The following RBBP8 variants were observed in gnomAD, a reference collection of about 807,000 sequenced individuals.
The protein encoded by RBBP8 is DNA endonuclease RBBP8.
Under a neutral mutation model 108.3 loss-of-function variants are expected in RBBP8, and 88 were observed. The ratio of observed to expected loss-of-function variants is 0.81; its 90% CI spans 0.68 to 0.97. RBBP8 has a LOEUF of 0.97. Among genes scored for constraint, RBBP8 ranks in the 50% least tolerant of loss-of-function variants. RBBP8 has a pLI of 0.00. For synonymous variants in RBBP8, 332 were observed against 348.2 expected (o/e 0.95, Z 0.52); for missense variants, 1,023 against 1,049.0 (o/e 0.98, Z 0.34).
chr18:23,012,232 C>CAA (rs2046180816), intron 16 of RBBP8, among the ~76,000 whole-genome samples: 1 of 58,012 alleles, frequency 1.7e-5, no homozygotes, highest in African/African-American at 6.1e-5. Flanking sequence ...AAAAAAAAAA[C>CAA]CAACTATGAT....
In RBBP8 at chr18:23,006,445, T is replaced by C. The variant is rs939016229; in HGVS notation, c.2357+13T>C. 1.3e-6 allele frequency: 2 copies of C among 1,590,116 alleles called. No homozygotes were observed. Among genetic ancestry groups the C allele is most frequent in the East Asian group, 2.2e-5 (1 of 44,776 alleles). ...AAGGTGATGAAAGGTAAGTTGGTTTTTATTTATACCAGCAATGTGACTGGA... is the reference window on the plus strand; with the variant it reads ...AAGGTGATGAAAGGTAAGTTGGTTTCTATTTATACCAGCAATGTGACTGGA... On this transcript the variant is annotated intron_variant, in intron 16 of 18. Transcript: ENST00000327155.
upstream of RBBP8, among the ~76,000 whole-genome samples, chr18:22,931,398 A>T (rs959956101): frequency 6.6e-6 from 1 of 152,216 alleles, no homozygotes; most frequent in Non-Finnish European, 1.5e-5. Context: ...AAGCCACTGA[A>T]AGGGTTTAAG....
intron 6 of RBBP8, among the ~76,000 whole-genome samples, 173 bp downstream of exon 6, chr18:22,975,392 CTTAGA>C (rs1914428348): frequency 6.6e-6 from 1 of 151,998 alleles, no homozygotes; most frequent in African/African-American, 2.4e-5. Flanking sequence ...GAATGCATCT[CTTAGA>C]TTAGTGCTTG....
chr18:22,969,147 A>G (rs1310325769), intron 5 of RBBP8, among the ~76,000 whole-genome samples: 1 of 150,850 alleles, frequency 6.6e-6, no homozygotes, highest in African/African-American at 2.4e-5. Context: ...GTCTTAAGTC[A>G]TCAGTTGTAA....
At chr18:22,964,966 A>G (rs950841072) in intron 4 of RBBP8, among the ~76,000 whole-genome samples, 4 of 152,132 alleles carry the variant, frequency 2.6e-5, no homozygotes, top group Non-Finnish European at 5.9e-5. Flanking sequence ...GAAATGACCT[A>G]CAGCAGCCTT....
At chr18:22,954,663 T>C (rs1448749939) in intron 4 of RBBP8, among the ~76,000 whole-genome samples, 1 of 152,174 alleles carries the variant, frequency 6.6e-6, no homozygotes, top group Non-Finnish European at 1.5e-5. Context: ...GGCCGTCTTA[T>C]TACAGCTCCA....
chr18:23,017,431 A>G (rs931777347), intron 17 of RBBP8, among the ~76,000 whole-genome samples: 1 of 151,728 alleles, frequency 6.6e-6, no homozygotes, highest in African/African-American at 2.4e-5. Flanking sequence ...AGGCGGGCGG[A>G]TCACGAGGTA....
At chr18:22,917,200 A>G (rs2144325972) in intron 3 of RBBP8, among the ~76,000 whole-genome samples, 1 of 152,352 alleles carries the variant, frequency 6.6e-6, no homozygotes, top group South Asian at 2.1e-4. Context: ...GTAAAATCCT[A>G]CCTGGAAAAT....
chr18:22,992,814 A>AT lies in RBBP8; in HGVS notation c.990dup (p.Gly331TrpfsTer5). 6.2e-7 allele frequency: 1 copy of AT among 1,608,640 alleles called. No individual in the cohort carries two copies. The highest frequency in any genetic ancestry group is 8.5e-7 in the Non-Finnish European group (1 of 1,175,218). Reference sequence around the variant, plus strand: ...TACCTACTCGAGTGTCATCTCCTGTATTTGGAGCTACCTCTAGTATCAAAA... The same window carrying AT: ...TACCTACTCGAGTGTCATCTCCTGTATTTTGGAGCTACCTCTAGTATCAAAA... On this transcript the variant is annotated frameshift_variant, in exon 11 of 19. Coordinates refer to ENST00000327155, the MANE Select transcript of RBBP8 (RefSeq NM_002894.3). LOFTEE classifies it high-confidence loss of function.
chr18:23,006,876 A>G (rs1053550920), intron 16 of RBBP8, among the ~76,000 whole-genome samples: 2 of 152,092 alleles, frequency 1.3e-5, no homozygotes, highest in African/African-American at 4.8e-5. Flanking sequence ...TATTTACTTT[A>G]TGGTCATAAA....
chr18:22,972,311 G>A (rs1319255561), intron 5 of RBBP8, among the ~76,000 whole-genome samples: 3 of 128,816 alleles, frequency 2.3e-5, no homozygotes, highest in Non-Finnish European at 3.1e-5. Flanking sequence ...CCAAGATTGC[G>A]CCACTGCATT....
In RBBP8 at chr18:23,022,170, G is replaced by A. The variant is rs772092452; in HGVS notation, c.2496G>A (p.Leu832=). The change falls in exon 18 of 19, where the codon TTG becomes TTA. Residue 832 remains leucine (L), a synonymous_variant. Transcript: ENST00000327155. The part of the protein sequence containing the change: ...DMPAEEREKK[L]ASCSRHRFRY... ...CAGCAGAAGAAAGAGAAAAGAAATT[G>A]GCTTCCTGCTCAAGACACCGATTCC... 11 of 1,609,332 alleles carry A rather than the reference G, an allele frequency of 6.8e-6. No individual in the cohort carries two copies. Among genetic ancestry groups the A allele is most frequent in the Non-Finnish European group, 8.5e-6 (10 of 1,175,810 alleles).
At chr18:22,942,434 T>TA (rs1166525984) in intron 2 of RBBP8, among the ~76,000 whole-genome samples, 2 of 152,102 alleles carry the variant, frequency 1.3e-5, no homozygotes, top group Non-Finnish European at 2.9e-5. Flanking sequence ...CCATGTCTTT[T>TA]AAAACTAGGC....
intron 17 of RBBP8, among the ~76,000 whole-genome samples, chr18:23,020,048 C>T (rs2046323411): frequency 6.6e-6 from 1 of 151,988 alleles, no homozygotes; most frequent in Non-Finnish European, 1.5e-5. Context: ...AGGTGTGAGC[C>T]ACTGCACCCG....
At chr18:22,937,156 G>A in intron 2 of RBBP8, 196 bp downstream of exon 2, 1 of 1,171,510 alleles carries the variant, frequency 8.5e-7, no homozygotes, top group Non-Finnish European at 1.2e-6. Context: ...CCCAGGTAGT[G>A]AGCATGGTAC....
chr18:22,935,378 G>A (rs1598631745), intron 1 of RBBP8, among the ~76,000 whole-genome samples: 1 of 144,152 alleles, frequency 6.9e-6, no homozygotes, highest in Non-Finnish European at 1.5e-5. Flanking sequence ...AACAGATAAG[G>A]CCTTTCTAAA....
At chr18:22,967,104 C>T (rs1913669899) in intron 4 of RBBP8, among the ~76,000 whole-genome samples, 1 of 152,096 alleles carries the variant, frequency 6.6e-6, no homozygotes, top group Admixed American at 6.5e-5. Flanking sequence ...CAGCGGCTCA[C>T]GCCTGTAATC....
intron 12 of RBBP8, among the ~76,000 whole-genome samples, chr18:22,994,539 G>A (rs1205789996): frequency 6.7e-6 from 1 of 149,184 alleles, no homozygotes; most frequent in East Asian, 2.1e-4. Flanking sequence ...CTATTCGGGA[G>A]GCTGAGGCAG....
At chr18:22,920,513 T>A (rs1909550060) in intron 3 of RBBP8, among the ~76,000 whole-genome samples, 2 of 152,216 alleles carry the variant, frequency 1.3e-5, no homozygotes, top group Admixed American at 1.3e-4. Flanking sequence ...AGTTTCAAAG[T>A]TATACCTTAA....
Sources: allele counts gnomAD v4.1 joint callset (sites outside exome capture counted in the v4.1 genomes callset), GRCh38; gene constraint gnomAD v4.1.1; transcripts MANE v1.5; gene names NCBI Gene and HGNC (gene_info 2026-07-23, HGNC 2026-07-21).